Variants in TERT observed in about 807,000 individuals in gnomAD.
TERT encodes telomerase catalytic subunit.
A neutral mutation model predicts 104.0 loss-of-function variants in TERT; 42 were observed. The ratio of observed to expected loss-of-function variants is 0.40; its 90% CI spans 0.32 to 0.52. The LOEUF (loss-of-function observed/expected upper bound fraction) is 0.52, where lower values mean the gene tolerates loss of function less well. Among genes scored for constraint, TERT ranks in the 20% least tolerant of loss-of-function variants. The probability of loss-of-function intolerance (pLI) is 0.43; values close to 1 mark genes in which losing one functional copy is unlikely to be tolerated. For missense variants in TERT, 1,101 were observed against 1,610.3 expected (o/e 0.68, Z 5.41); for synonymous variants, 781 against 725.6 (o/e 1.08, Z -1.23).
rs149825932 is a variant in TERT at position 1,288,185 on chromosome 5, A to C, written c.1573+5128T>G. Among the ~76,000 whole-genome samples the C allele has an allele frequency of 6.6e-6, 1 of 150,858 alleles. No individual in the cohort carries two copies. The highest frequency in any genetic ancestry group is 3.4e-3 in the Middle Eastern group (1 of 294). ...AAAAAATCACAGAATAAGAATACTT[A>C]AAAGAAGTATTAACACTTTGAAGTA... On this transcript the variant is annotated intron_variant, in intron 2 of 15. Coordinates refer to ENST00000310581, the MANE Select transcript of TERT (RefSeq NM_198253.3). This position sits in a 1 kb window ranked among gnomAD's most constrained non-coding sequence, Gnocchi z 5.3.
At position 1,267,785 on chromosome 5, in the gene TERT, G is replaced by A. The variant is rs534033670; in HGVS notation, c.2582+735C>T. On this transcript the variant is annotated intron_variant, in intron 9 of 15. Coordinates refer to ENST00000310581, the MANE Select transcript of TERT (RefSeq NM_198253.3). ...CACTCACAGGTGGGAACTGAACAAT[G>A]AGAACACTTGGACACAGGGTGGGGA... Among the ~76,000 whole-genome samples the A allele has an allele frequency of 5.9e-5, 9 of 152,248 alleles. No individual in the cohort carries two copies. In the South Asian group the frequency reaches 1.9e-3, roughly 32 times the overall value.
chr5:1,293,572 G>C lies in TERT; in HGVS notation c.1314C>G (p.Pro438=), dbSNP rs1246997503. 2 of 1,545,778 alleles carry C rather than the reference G, an allele frequency of 1.3e-6. No individual in the cohort carries two copies. Among genetic ancestry groups the C allele is most frequent in the East Asian group, 4.9e-5 (2 of 40,900 alleles). Residue 438 remains proline (P), a synonymous_variant, in exon 2 of 16, where the codon CCC becomes CCG. Coordinates refer to ENST00000310581, the MANE Select transcript of TERT (RefSeq NM_198253.3). The stretch of plus-strand genomic sequence containing the variant: ...GACGGGGGTCTGTGTCCTCCTCCTC[G>C]GGGGCCGCCACAGAGCCCTGGGGCT... The part of the protein sequence containing the change: ...REKPQGSVAA[P]EEEDTDPRRL...
Position 1,278,679 on chromosome 5 carries a change from C to T in TERT, c.2248G>A (p.Ala750Thr), listed in dbSNP as rs1579574831. The change falls in exon 6 of 16, where the codon GCC becomes ACC. Residue 750 changes from alanine (A) to threonine (T), a missense_variant. Around this residue, in one of 5 missense-constraint regions of TERT, gnomAD observed 463 missense variants for 797.5 expected, o/e 0.58. Coordinates refer to ENST00000310581, the MANE Select transcript of TERT (RefSeq NM_198253.3). ...CVRRYAVVQK[A>T]AHGHVRKAFK... ...GCCTTGCGGACGTGCCCATGGGCGG[C>T]CTTCTGGACCACGGCATACCGACGC... 1 of 1,614,156 alleles carries T rather than the reference C, an allele frequency of 6.2e-7. No individual in the cohort carries two copies. The highest frequency in any genetic ancestry group is 8.5e-7 in the Non-Finnish European group (1 of 1,180,044).
Position 1,293,985 on chromosome 5 carries a change from G to A in TERT, c.901C>T (p.Arg301Cys). ...GTRHSHPSVG[R>C]QHHAGPPSTS... is the part of the protein sequence containing the mutation. Reference sequence around the variant, plus strand: ...GATGGGGGGCCCGCGTGGTGCTGGCGGCCCACGGATGGGTGGGAGTGGCGC... The same window carrying A: ...GATGGGGGGCCCGCGTGGTGCTGGCAGCCCACGGATGGGTGGGAGTGGCGC... Residue 301 changes from arginine (R) to cysteine (C), a missense_variant, in exon 2 of 16, where the codon CGC (arginine) becomes TGC (cysteine). Arg to Cys is a radical substitution (Grantham distance 180). Coordinates refer to ENST00000310581, the MANE Select transcript of TERT (RefSeq NM_198253.3). 1.3e-6 allele frequency: 2 copies of A among 1,569,854 alleles called. No homozygotes were observed. Among genetic ancestry groups the A allele is most frequent in the Non-Finnish European group, 1.7e-6 (2 of 1,161,104 alleles).
chr5:1,266,066 C>T (rs367846417), intron 10 of TERT, among the ~76,000 whole-genome samples: 6 of 152,184 alleles, frequency 3.9e-5, no homozygotes, highest in South Asian at 2.1e-4. Context: ...TCCTGCTCTC[C>T]GCAGGCTCAG....
rs762057495 is a variant in TERT, at chr5:1,260,505, A to G, written c.2939T>C (p.Leu980Pro). 6.2e-7 allele frequency: 1 copy of G among 1,614,204 alleles called. No homozygotes were observed. The highest frequency in any genetic ancestry group is 8.5e-7 in the Non-Finnish European group (1 of 1,180,020). The change falls in exon 12 of 16, where the codon CTG becomes CCG. Residue 980 changes from leucine to proline, a missense_variant. By Grantham distance (98) the Leu-to-Pro change is moderately conservative (BLOSUM62 -3). Around this residue, in one of 5 missense-constraint regions of TERT, gnomAD observed 463 missense variants for 797.5 expected, o/e 0.58. Transcript: ENST00000310581. ...ATCCAGAAACAGGCTGTGACACTTC[A>G]GCCGCAAGACCCCAAAGAGTTTGCG... ...MRRKLFGVLR[L>P]KCHSLFLDLQ...
rs1246108355 is a variant in TERT, at chr5:1,287,507, AAAT to A, written c.1574-4886_1574-4884del. On this transcript the variant is annotated intron_variant, in intron 2 of 15. Coordinates refer to ENST00000310581, the MANE Select transcript of TERT (RefSeq NM_198253.3). This position sits in a 1 kb window ranked among gnomAD's most constrained non-coding sequence, Gnocchi z 4.3. ...ACCAAGACTCTGTCTCAAAAAAAAA[AAAT>A]ATATATATATATATATAAATTAAAG... 4.5e-3 allele frequency among the ~76,000 whole-genome samples: 602 copies of A among 132,682 alleles called. 4 individuals carry two copies. Among genetic ancestry groups the A allele is most frequent in the Non-Finnish European group, 7.4e-3 (468 of 63,018 alleles). 87.0% of individuals were successfully genotyped at this position (132,682 alleles called of 152,430 possible).
In TERT at chr5:1,255,935, C is replaced by G. The variant is rs1747699190; in HGVS notation, c.3033-524G>C. On this transcript the variant is annotated intron_variant, in intron 13 of 15. Transcript: ENST00000310581. This position sits in a 1 kb window ranked among gnomAD's most constrained non-coding sequence, Gnocchi z 6.9. ...GACCCATCATCTCATCTCACTGACACCGAGACACCGACTTGGCTTCTGTGT... is the reference window on the plus strand; with the variant it reads ...GACCCATCATCTCATCTCACTGACAGCGAGACACCGACTTGGCTTCTGTGT... 6.6e-6 allele frequency among the ~76,000 whole-genome samples: 1 copy of G among 152,202 alleles called. No individual in the cohort carries two copies. Among genetic ancestry groups the G allele is most frequent in the Middle Eastern group, 3.4e-3 (1 of 294 alleles).
intron 1 of TERT, 44 bp from the exon 2 acceptor site, chr5:1,294,710 G>A: frequency 6.3e-7 from 1 of 1,578,208 alleles, no homozygotes; most frequent in Non-Finnish European, 8.5e-7. Flanking sequence ...CTCTCCGCAT[G>A]TCGCTGGTTC....
In TERT at chr5:1,286,484, A is replaced by T. The variant is rs1008403295; in HGVS notation, c.1574-3860T>A. ...ATGCCTGAGATAGAACTAAGTCAGC[A>T]GGGAAAACAGCACACAGGCTGGGGG... is the stretch of plus-strand genomic sequence containing the variant. On this transcript the variant is annotated intron_variant, in intron 2 of 15. Coordinates refer to ENST00000310581, the MANE Select transcript of TERT (RefSeq NM_198253.3). The surrounding 1 kb of genome is among the most constrained non-coding windows in gnomAD (Gnocchi z 5.3). 2.0e-5 allele frequency among the ~76,000 whole-genome samples: 3 copies of T among 152,236 alleles called. No homozygotes were observed. Among genetic ancestry groups the T allele is most frequent in the African/African-American group, 7.2e-5 (3 of 41,464 alleles).
Position 1,270,237 on chromosome 5 carries a change from T to C in TERT, c.2468+882A>G, listed in dbSNP as rs1202769468. ...TTATAATTGCTGATACCATTAGTGATTACTTATAATGCAATAATTAATAGT... is the reference window on the plus strand; with the variant it reads ...TTATAATTGCTGATACCATTAGTGACTACTTATAATGCAATAATTAATAGT... On this transcript the variant is annotated intron_variant, in intron 8 of 15. Transcript: ENST00000310581. The surrounding 1 kb of genome is among the most constrained non-coding windows in gnomAD (Gnocchi z 8.3). 1.3e-5 allele frequency among the ~76,000 whole-genome samples: 2 copies of C among 152,250 alleles called. No individual in the cohort carries two copies. Among genetic ancestry groups the C allele is most frequent in the African/African-American group, 2.4e-5 (1 of 41,468 alleles).
At position 1,268,463 on chromosome 5, in the gene TERT, T is replaced by C. The variant is rs780624815; in HGVS notation, c.2582+57A>G. 73 of 1,287,154 alleles carry C rather than the reference T, an allele frequency of 5.7e-5. No individual in the cohort carries two copies. The highest frequency in any genetic ancestry group is 1.8e-4 in the Middle Eastern group (1 of 5,518). The allele number at this position is 1,287,154 out of a possible 1,614,324, so 79.7% of individuals were successfully genotyped here. The stretch of plus-strand genomic sequence containing the variant: ...GAGCACCAGGAATATTAACACTGAA[T>C]GCATCAAAAGCAAATCAACCCCCAC... On this transcript the variant is annotated intron_variant, in intron 9 of 15. Transcript: ENST00000310581. This position sits in a 1 kb window ranked among gnomAD's most constrained non-coding sequence, Gnocchi z 5.5.
rs7710703 is a variant in TERT at position 1,287,390 on chromosome 5, T to C, written c.1574-4766A>G. The stretch of plus-strand genomic sequence containing the variant: ...CGGTGCGTGTCTGCAGTTCCAGCTA[T>C]TCAGGAGGCTGAGGTGAGAGGACGG... On this transcript the variant is annotated intron_variant, in intron 2 of 15. Transcript: ENST00000310581. This position sits in a 1 kb window ranked among gnomAD's most constrained non-coding sequence, Gnocchi z 4.3. Among the ~76,000 whole-genome samples, 136,253 of 151,792 alleles carry C rather than the reference T, an allele frequency of 0.9. 61,301 individuals are homozygous for C. The highest frequency in any genetic ancestry group is 0.95 in the African/African-American group (39,431 of 41,348).
chr5:1,288,500 C>A lies in TERT; in HGVS notation c.1573+4813G>T, dbSNP rs1177641284. On this transcript the variant is annotated intron_variant, in intron 2 of 15. Transcript: ENST00000310581. The surrounding 1 kb of genome is among the most constrained non-coding windows in gnomAD (Gnocchi z 5.3). ...CAGACAGAGACACTCCAACCTGTGGCTGGACGTCAATCCATGTGAGGGGGC... is the reference window on the plus strand; with the variant it reads ...CAGACAGAGACACTCCAACCTGTGGATGGACGTCAATCCATGTGAGGGGGC... Among the ~76,000 whole-genome samples, 3 of 152,160 alleles carry A rather than the reference C, an allele frequency of 2.0e-5. No homozygotes were observed. Among genetic ancestry groups the A allele is most frequent in the Non-Finnish European group, 4.4e-5 (3 of 68,030 alleles).
At chr5:1,279,547 A>ACGGGGGCT in intron 4 of TERT, 77 bp from the exon 5 acceptor site, 1 of 1,443,664 alleles carries the variant, frequency 6.9e-7, no homozygotes, top group Non-Finnish European at 9.5e-7. Flanking sequence ...GACCCAGGGG[A>ACGGGGGCT]GAAGCAGCCC....
Position 1,294,791 on chromosome 5 carries a change from C to T in TERT, c.199G>A (p.Ala67Thr). The change falls in exon 1 of 16, where the codon GCC becomes ACC. Residue 67 changes from alanine to threonine, a missense_variant. Ala to Thr is a moderately conservative substitution (Grantham distance 58). This residue lies in a region of TERT where 87 missense variants were observed against 145.4 expected (regional missense o/e 0.60). Coordinates refer to ENST00000310581, the MANE Select transcript of TERT (RefSeq NM_198253.3). ...CVPWDARPPP[A>T]APSFRQVSCL... ...CCCACCTGGCGGAAGGAGGGGGCGG[C>T]GGGGGGCGGCCGTGCGTCCCAGGGC... The T allele has an allele frequency of 6.5e-7, 1 of 1,526,800 alleles. No homozygotes were observed. The highest frequency in any genetic ancestry group is 8.7e-7 in the Non-Finnish European group (1 of 1,145,196). 94.6% of individuals were successfully genotyped at this position (1,526,800 alleles called of 1,614,324 possible).
chr5:1,275,327 T>G (rs1561200245), intron 6 of TERT, among the ~76,000 whole-genome samples: 1 of 142,752 alleles, frequency 7.0e-6, no homozygotes, highest in Non-Finnish European at 1.5e-5. Flanking sequence ...TGAGCCAAGA[T>G]CACGCCAAAC....
At position 1,294,190 on chromosome 5, in the gene TERT, C is replaced by T. The variant is rs1033402019; in HGVS notation, c.696G>A (p.Leu232=). 14 of 1,582,094 alleles carry T rather than the reference C, an allele frequency of 8.8e-6. No homozygotes were observed. The highest frequency in any genetic ancestry group is 1.2e-5 in the Non-Finnish European group (14 of 1,168,594). Residue 232 remains leucine (L), a synonymous_variant, in exon 2 of 16, where the codon CTG becomes CTA. Transcript: ENST00000310581. ...CACGCCTGGGCCTCTTGGGCAACGG[C>T]AGACTTCGGCTGGCACTGCCCCCGC... ...RRRGGSASRS[L]PLPKRPRRGA... is the part of the protein sequence containing the mutation.
chr5:1,257,689 T>A lies in TERT; in HGVS notation c.3032+909A>T, dbSNP rs116209637. Among the ~76,000 whole-genome samples, 843 of 152,348 alleles carry A rather than the reference T, an allele frequency of 5.5e-3. 6 individuals are homozygous for A. The highest frequency in any genetic ancestry group is 0.019 in the African/African-American group (804 of 41,576). On this transcript the variant is annotated intron_variant, in intron 13 of 15. Transcript: ENST00000310581. The surrounding 1 kb of genome is among the most constrained non-coding windows in gnomAD (Gnocchi z 5.6). ...CAAGCACTCGGGTTAAAAACCATTT[T>A]CATGGTACGACCTTGTAATGGAAAA...
Sources: gnomAD v4.1 joint callset for allele counts (sites outside exome capture counted in the v4.1 genomes callset) on GRCh38, gnomAD v4.1.1 for gene constraint, gnomAD v4.1.1 regional missense constraint, Gnocchi (gnomAD v3.1) non-coding constraint, MANE v1.5 for transcripts, NCBI Gene and HGNC (gene_info 2026-07-23, HGNC 2026-07-21) for gene names.